Variants in LDLRAD3 observed in about 807,000 individuals in gnomAD.
LDLRAD3 encodes the protein low-density lipoprotein receptor class A domain-containing protein 3.
LDLRAD3 carries 20 observed loss-of-function variants against 29.4 expected under a neutral mutation model. That is an observed-to-expected ratio of 0.68 (90% CI 0.48 to 0.99). The LOEUF (loss-of-function observed/expected upper bound fraction) is 0.99. Among genes scored for constraint, LDLRAD3 ranks in the 50% least tolerant of loss-of-function variants. The pLI is 0.00. For missense variants in LDLRAD3, 420 were observed against 454.3 expected (o/e 0.92, Z 0.69); for synonymous variants, 157 against 192.7 (o/e 0.81, Z 1.53).
At chr11:36,128,317 TGGTCCATCTCAC>T (rs915417127) in intron 4 of LDLRAD3, among the ~76,000 whole-genome samples, 1 of 151,916 alleles carries the variant, frequency 6.6e-6, no homozygotes, top group African/African-American at 2.4e-5. Flanking sequence ...TGGAGAATAT[TGGTCCATCTCAC>T]GCATTTAACC....
At chr11:36,021,973 A>G (rs1852103259) in intron 1 of LDLRAD3, among the ~76,000 whole-genome samples, 4 of 152,146 alleles carry the variant, frequency 2.6e-5, no homozygotes, top group Admixed American at 2.0e-4. Context: ...AAGGTTAATC[A>G]TGGTCTCAGC....
chr11:36,131,720 G>A (rs1199631539), intron 4 of LDLRAD3, among the ~76,000 whole-genome samples: 2 of 152,200 alleles, frequency 1.3e-5, no homozygotes, highest in Admixed American at 6.5e-5. Flanking sequence ...GAATACCTGG[G>A]TGTATTTTGT....
At chr11:36,188,673 CTG>C (rs996083714) in intron 4 of LDLRAD3, among the ~76,000 whole-genome samples, 1 of 152,182 alleles carries the variant, frequency 6.6e-6, no homozygotes, top group African/African-American at 2.4e-5. Context: ...AGGCAGAAGA[CTG>C]GAGCTTACTC....
intron 4 of LDLRAD3, among the ~76,000 whole-genome samples, chr11:36,170,318 A>ATATGTATG: frequency 6.7e-6 from 1 of 148,638 alleles, no homozygotes; most frequent in Non-Finnish European, 1.5e-5. Context: ...ATATACGTAT[A>ATATGTATG]TATGTATATA....
chr11:36,055,082 G>C (rs1375647610), intron 2 of LDLRAD3, among the ~76,000 whole-genome samples: 2 of 9,066 alleles, frequency 2.2e-4, no homozygotes, highest in Non-Finnish European at 4.5e-4. Context: ...TAGATGGATG[G>C]ATGGATGGAT....
intron 2 of LDLRAD3, among the ~76,000 whole-genome samples, chr11:36,045,116 C>G (rs262441): frequency 0.99 from 150,551 of 152,312 alleles, 74,430 homozygotes; most frequent in Middle Eastern, 1. Flanking sequence ...TGTGGCCTAT[C>G]ATGAGGACAG....
At position 35,964,103 on chromosome 11, in the gene LDLRAD3, C is replaced by G. The variant is rs150426976; in HGVS notation, c.46+19959C>G. On this transcript the variant is annotated intron_variant, in intron 1 of 5. Coordinates refer to ENST00000315571, the MANE Select transcript of LDLRAD3 (RefSeq NM_174902.4). ...GAAACTATGCAGTGTATTTGGGAAGCCATAAGTATTACAAGTTTGCTGGAG... is the reference window on the plus strand; with the variant it reads ...GAAACTATGCAGTGTATTTGGGAAGGCATAAGTATTACAAGTTTGCTGGAG... Among the ~76,000 whole-genome samples, 742 of 152,170 alleles carry G rather than the reference C, an allele frequency of 4.9e-3. 9 individuals carry two copies. Among genetic ancestry groups the G allele is most frequent in the African/African-American group, 0.017 (693 of 41,526 alleles).
chr11:36,139,459 C>T (rs1016128706), intron 4 of LDLRAD3, among the ~76,000 whole-genome samples: 1 of 152,192 alleles, frequency 6.6e-6, no homozygotes, highest in Non-Finnish European at 1.5e-5. Context: ...CAGAGCAGAT[C>T]CTTGTTTGCT....
chr11:35,988,313 A>G (rs183289103), intron 1 of LDLRAD3, among the ~76,000 whole-genome samples: 212 of 151,842 alleles, frequency 1.4e-3, no homozygotes, highest in African/African-American at 4.9e-3. Flanking sequence ...TCCCACCTCA[A>G]CCTCCCAAAG....
intron 2 of LDLRAD3, among the ~76,000 whole-genome samples, chr11:36,040,899 A>T (rs1471060327): frequency 1.3e-5 from 2 of 151,002 alleles, no homozygotes; most frequent in Admixed American, 6.6e-5. Flanking sequence ...TTTTTTAATT[A>T]AAAAAAATTA....
rs189553546 is a variant in LDLRAD3 at position 36,047,414 on chromosome 11, A to G, written c.193+11165A>G. ...ACACATTTTTTCCCCACATTTTTCA[A>G]TGGGCTAAGAAAACACAGTGTCCTA... On this transcript the variant is annotated intron_variant, in intron 2 of 5. Transcript: ENST00000315571. 5.3e-5 allele frequency among the ~76,000 whole-genome samples: 8 copies of G among 152,166 alleles called. No individual in the cohort carries two copies. The East Asian group carries it at 1.4e-3, about 26-fold the overall frequency.
chr11:36,077,916 C>T (rs1853042402), intron 2 of LDLRAD3, among the ~76,000 whole-genome samples: 1 of 152,180 alleles, frequency 6.6e-6, no homozygotes, highest in Admixed American at 6.5e-5. Context: ...TCTTGTCCTG[C>T]ATCCGGGAAG....
chr11:36,204,498 CT>C (rs56354406), intron 4 of LDLRAD3, among the ~76,000 whole-genome samples: 18,006 of 144,966 alleles, frequency 0.12, 1,242 homozygotes, highest in African/African-American at 0.21. Flanking sequence ...CTCTCTCTTT[CT>C]TTTTTTTTTT....
intron 4 of LDLRAD3, among the ~76,000 whole-genome samples, chr11:36,193,748 T>C (rs969522355): frequency 6.6e-6 from 1 of 152,192 alleles, no homozygotes; most frequent in African/African-American, 2.4e-5. Flanking sequence ...TTAGCAGCCT[T>C]TGGGGCTATA....
At chr11:36,082,608 T>G (rs887096600) in intron 3 of LDLRAD3, among the ~76,000 whole-genome samples, 7 of 144,766 alleles carry the variant, frequency 4.8e-5, no homozygotes, top group African/African-American at 1.8e-4. Flanking sequence ...CCTTCTTGAC[T>G]GTGACCACCC....
At position 36,076,547 on chromosome 11, in the gene LDLRAD3, G is replaced by A. The variant is rs140457250; in HGVS notation, c.194-5106G>A. The stretch of plus-strand genomic sequence containing the variant: ...ACTACAGGTGCCCGCCACCACGCCC[G>A]GCTAATTTTTTTGTATATGTAGTAG... On this transcript the variant is annotated intron_variant, in intron 2 of 5. Transcript: ENST00000315571. Among the ~76,000 whole-genome samples the A allele has an allele frequency of 1.0e-3, 153 of 152,178 alleles. No homozygotes were observed. In the East Asian group the frequency reaches 0.019, roughly 19 times the overall value.
chr11:36,129,985 TG>T (rs371528447), intron 4 of LDLRAD3, among the ~76,000 whole-genome samples: 2 of 152,372 alleles, frequency 1.3e-5, no homozygotes, highest in African/African-American at 4.8e-5. Context: ...TTTTGTTTGT[TG>T]TTCATTGCAG....
intron 4 of LDLRAD3, among the ~76,000 whole-genome samples, chr11:36,196,029 CA>C (rs35180520): frequency 0.059 from 8,118 of 138,416 alleles, 703 homozygotes; most frequent in African/African-American, 0.19. Context: ...CCCCAAAAGA[CA>C]AAAAAAAAAA....
At position 36,192,280 on chromosome 11, in the gene LDLRAD3, T is replaced by A. The variant is rs536468946; in HGVS notation, c.455-34805T>A. Among the ~76,000 whole-genome samples, 4 of 152,298 alleles carry A rather than the reference T, an allele frequency of 2.6e-5. No individual in the cohort carries two copies. The East Asian group carries it at 7.7e-4, about 29-fold the overall frequency. On this transcript the variant is annotated intron_variant, in intron 4 of 5. Transcript: ENST00000315571. The stretch of plus-strand genomic sequence containing the variant: ...ATCAAACAAAAACCTCTTTCAAGCA[T>A]CTCTAGCCTCGCAACAGATGATCTG...
Sources: allele counts gnomAD v4.1 joint callset (sites outside exome capture counted in the v4.1 genomes callset), GRCh38; gene constraint gnomAD v4.1.1; transcripts MANE v1.5; gene names NCBI Gene and HGNC (gene_info 2026-07-23, HGNC 2026-07-21).